The following TENT4B variants were observed in gnomAD, a reference collection of about 807,000 sequenced individuals.
The protein encoded by TENT4B is PAP associated domain containing 5.
Under a neutral mutation model 75.0 loss-of-function variants are expected in TENT4B, and 10 were observed. That is an observed-to-expected ratio of 0.13 (90% CI 0.08 to 0.23). The LOEUF is 0.23. Among genes scored for constraint, TENT4B ranks in the 10% least tolerant of loss-of-function variants. TENT4B has a pLI of 1.00. For missense variants in TENT4B, 579 were observed against 893.8 expected, an observed-to-expected ratio of 0.65 and a Z score of 4.49; for synonymous variants, 350 against 357.7, an observed-to-expected ratio of 0.98 and a Z score of 0.24.
intron 1 of TENT4B, among the ~76,000 whole-genome samples, chr16:50,206,913 T>TC (rs908589551): frequency 8.6e-5 from 13 of 151,544 alleles, no homozygotes; most frequent in Admixed American, 7.2e-4. Context: ...AAGTTTGTTT[T>TC]TTTTTTTTAA....
chr16:50,197,118 C>CA (rs1321709553), intron 1 of TENT4B, among the ~76,000 whole-genome samples: 29 of 146,434 alleles, frequency 2.0e-4, no homozygotes, highest in East Asian at 7.9e-4. Flanking sequence ...AAAAAAAAAA[C>CA]AAAAAACAAA....
At position 50,229,304 on chromosome 16, in the gene TENT4B, G is replaced by A. The variant is rs776693323; in HGVS notation, c.2118G>A (p.Ala706=). ...AAAAGAGGAAACACAAGAGGGACGC[G>A]CCCCTCTCAGACCTCTGTAGATAGT... The part of the protein sequence containing the change: ...HGKKRKHKRD[A]PLSDLCR The change falls in exon 12 of 12, where the codon GCG becomes GCA. Residue 706 remains alanine, a synonymous_variant. Transcript: ENST00000561678. The A allele has an allele frequency of 1.1e-5, 17 of 1,613,518 alleles. No homozygotes were observed. The South Asian group carries it at 1.3e-4, about 13-fold the overall frequency.
chr16:50,191,558 G>T (rs2038639454), intron 1 of TENT4B, among the ~76,000 whole-genome samples: 2 of 152,132 alleles, frequency 1.3e-5, no homozygotes. Context: ...ATAGGCGTGA[G>T]CCACCATGCC....
At chr16:50,167,704 C>T (rs1273547748) in intron 1 of TENT4B, among the ~76,000 whole-genome samples, 1 of 150,972 alleles carries the variant, frequency 6.6e-6, no homozygotes, top group African/African-American at 2.4e-5. Flanking sequence ...GTCGCCCAGG[C>T]TGGAGTGCAG....
intron 11 of TENT4B, among the ~76,000 whole-genome samples, chr16:50,228,354 C>G (rs1427206771): frequency 6.6e-6 from 1 of 152,166 alleles, no homozygotes; most frequent in Non-Finnish European, 1.5e-5. Flanking sequence ...ATAATGTATC[C>G]TTTTCTAATA....
In TENT4B at chr16:50,230,707, A is replaced by G; in HGVS notation, c.*1379A>G. 5.1e-6 allele frequency: 5 copies of G among 985,634 alleles called. No individual in the cohort carries two copies. The highest frequency in any genetic ancestry group is 6.0e-6 in the Non-Finnish European group (5 of 829,836). 61.1% of individuals were successfully genotyped at this position (985,634 alleles called of 1,614,324 possible). A position where few individuals can be genotyped will look rare whatever the true frequency, so the allele number is the denominator to read the frequency against. On this transcript the variant is annotated 3_prime_UTR_variant, in exon 12 of 12. Transcript: ENST00000561678. Reference sequence around the variant, plus strand: ...ATTGGCTTGTTTCAATCATACTGTAAATTTTGGTTGTAGTCAGCTTTGAGT... The same window carrying G: ...ATTGGCTTGTTTCAATCATACTGTAGATTTTGGTTGTAGTCAGCTTTGAGT...
At chr16:50,158,249 G>C (rs1374655739) in intron 1 of TENT4B, among the ~76,000 whole-genome samples, 2 of 152,076 alleles carry the variant, frequency 1.3e-5, no homozygotes, top group Non-Finnish European at 2.9e-5. Flanking sequence ...ACCATGCCCA[G>C]GTAATTTTTG....
At chr16:50,174,170 T>C (rs1329403076) in intron 1 of TENT4B, among the ~76,000 whole-genome samples, 1 of 152,168 alleles carries the variant, frequency 6.6e-6, no homozygotes, top group Non-Finnish European at 1.5e-5. Flanking sequence ...TGATCTCAGC[T>C]CACTGCGACC....
chr16:50,231,749 C>T lies in TENT4B; in HGVS notation c.*2421C>T, dbSNP rs1458778230. 1.0e-5 allele frequency: 10 copies of T among 985,676 alleles called. No individual in the cohort carries two copies. The highest frequency in any genetic ancestry group is 2.3e-4 in the East Asian group (2 of 8,836). 61.1% of individuals were successfully genotyped at this position (985,676 alleles called of 1,614,324 possible). Reference sequence around the variant, plus strand: ...TTCCTCAAATGACCAGCATTGTATTCGTGAATACTGTGTATCTTGCAGTGA... The same window carrying T: ...TTCCTCAAATGACCAGCATTGTATTTGTGAATACTGTGTATCTTGCAGTGA... On this transcript the variant is annotated 3_prime_UTR_variant, in exon 12 of 12. Coordinates refer to ENST00000561678, the MANE Select transcript of TENT4B (RefSeq NM_001365324.3).
At chr16:50,225,931 C>T (rs1040203999) in intron 10 of TENT4B, among the ~76,000 whole-genome samples, 1 of 151,948 alleles carries the variant, frequency 6.6e-6, no homozygotes, top group African/African-American at 2.4e-5. Context: ...ATCCACCCGC[C>T]TCAACCTCCT....
Position 50,192,459 on chromosome 16 carries a change from C to T in TENT4B, c.639-18864C>T, listed in dbSNP as rs1013498136. Among the ~76,000 whole-genome samples the T allele has an allele frequency of 5.9e-5, 9 of 152,146 alleles. No individual in the cohort carries two copies. In the East Asian group the frequency reaches 1.7e-3, roughly 29 times the overall value. On this transcript the variant is annotated intron_variant, in intron 1 of 11. Transcript: ENST00000561678. ...TATTATGAGTACACAATAGGTGCATCTATAGATTTCATTACCCTCAAATAA... is the reference window on the plus strand; with the variant it reads ...TATTATGAGTACACAATAGGTGCATTTATAGATTTCATTACCCTCAAATAA...
chr16:50,180,449 T>C (rs1480706223), intron 1 of TENT4B, among the ~76,000 whole-genome samples: 1 of 152,164 alleles, frequency 6.6e-6, no homozygotes, highest in Non-Finnish European at 1.5e-5. Context: ...GGTTCATGCC[T>C]GTAATCTCAC....
intron 1 of TENT4B, among the ~76,000 whole-genome samples, chr16:50,205,359 AT>A (rs1290565889): frequency 6.6e-6 from 1 of 152,158 alleles, no homozygotes; most frequent in East Asian, 1.9e-4. Flanking sequence ...ATACATGCTG[AT>A]TTTTTAAAAA....
rs539993626 is a variant in TENT4B, at chr16:50,182,137, C to T, written c.638+27878C>T. On this transcript the variant is annotated intron_variant, in intron 1 of 11. Transcript: ENST00000561678. ...CAAAAATTTGCTGGATGCAGTGGTACGTGCATGTGGTCCCAGCTACTCAGT... is the reference window on the plus strand; with the variant it reads ...CAAAAATTTGCTGGATGCAGTGGTATGTGCATGTGGTCCCAGCTACTCAGT... 4.9e-4 allele frequency among the ~76,000 whole-genome samples: 75 copies of T among 152,128 alleles called. 2 individuals are homozygous for T. Among genetic ancestry groups the T allele is most frequent in the Admixed American group, 1.4e-3 (21 of 15,270 alleles).
At position 50,231,803 on chromosome 16, in the gene TENT4B, C is replaced by T. The variant is rs141291801; in HGVS notation, c.*2475C>T. On this transcript the variant is annotated 3_prime_UTR_variant, in exon 12 of 12. Transcript: ENST00000561678. ...GTGTGGAAGCTGTTCATTTTTCAATCTGAAGTAAAATACTTTCAAGAACTT... is the reference window on the plus strand; with the variant it reads ...GTGTGGAAGCTGTTCATTTTTCAATTTGAAGTAAAATACTTTCAAGAACTT... 5.8e-5 allele frequency: 57 copies of T among 985,484 alleles called. No individual in the cohort carries two copies. The African/African-American group carries it at 9.8e-4, about 17-fold the overall frequency. 61.0% of individuals were successfully genotyped at this position (985,484 alleles called of 1,614,324 possible).
chr16:50,170,722 A>G (rs1310450405), intron 1 of TENT4B, among the ~76,000 whole-genome samples: 1 of 151,772 alleles, frequency 6.6e-6, no homozygotes, highest in Non-Finnish European at 1.5e-5. Flanking sequence ...GCTGGAGTGC[A>G]GCAGCATGAT....
At chr16:50,194,182 T>C (rs952963410) in intron 1 of TENT4B, among the ~76,000 whole-genome samples, 2 of 151,874 alleles carry the variant, frequency 1.3e-5, no homozygotes, top group African/African-American at 4.8e-5. Flanking sequence ...TTCTCTCTCT[T>C]TTCTTTTTTC....
rs780525871 is a variant in TENT4B at position 50,227,884 on chromosome 16, C to T, written c.1846C>T (p.Arg616Cys). 37 of 1,613,832 alleles carry T rather than the reference C, an allele frequency of 2.3e-5. No individual in the cohort carries two copies. Among genetic ancestry groups the T allele is most frequent in the African/African-American group, 5.3e-5 (4 of 74,900 alleles). Residue 616 changes from arginine (R) to cysteine (C), a missense_variant, in exon 11 of 12, where the codon CGT becomes TGT. Arg to Cys is a radical substitution (Grantham distance 180). This residue lies in a region of TENT4B where 164 missense variants were observed against 226.5 expected (regional missense o/e 0.72). Coordinates refer to ENST00000561678, the MANE Select transcript of TENT4B (RefSeq NM_001365324.3). ...PCKTPKQLLCRPSTGNRVGSQ... is the reference protein window; with the variant it reads ...PCKTPKQLLCCPSTGNRVGSQ... The stretch of plus-strand genomic sequence containing the variant: ...CAAAACCCCGAAACAGCTGCTTTGC[C>T]GTCCGTCCACTGGGAACCGAGTAGG...
intron 1 of TENT4B, among the ~76,000 whole-genome samples, chr16:50,163,450 C>T (rs1470412456): frequency 1.4e-5 from 2 of 146,856 alleles, no homozygotes; most frequent in African/African-American, 5.0e-5. Context: ...TGGAGTCTCG[C>T]TCTGTCGCCC....
Sources: allele counts gnomAD v4.1 joint callset (sites outside exome capture counted in the v4.1 genomes callset), GRCh38; gene constraint gnomAD v4.1.1; regional missense constraint gnomAD v4.1.1; transcripts MANE v1.5; gene names NCBI Gene and HGNC (gene_info 2026-07-23, HGNC 2026-07-21).